IQCN: variants seen among roughly 807,000 people sequenced by gnomAD.
IQCN encodes IQ domain-containing protein N.
A neutral mutation model predicts 64.4 loss-of-function variants in IQCN; 46 were observed. The observed-to-expected ratio is 0.71, with a 90% CI of 0.56 to 0.91. The LOEUF is 0.91. IQCN is among the 40% of genes least tolerant of loss of function. The pLI is 0.00. For missense variants in IQCN, 1,753 were observed against 1,857.4 expected (o/e 0.94, Z 1.03); for synonymous variants, 733 against 775.6 (o/e 0.95, Z 0.91).
chr19:18,260,432 C>A (rs1226382019), intron 3 of IQCN: 1 of 152,582 alleles, frequency 6.6e-6, no homozygotes, highest in African/African-American at 2.4e-5. Flanking sequence ...TTGAATCCAG[C>A]CTAGAGCCCC....
At chr19:18,258,212 C>T (rs769543692) in intron 3 of IQCN, 106 bp from the exon 4 acceptor site, 1 of 1,248,768 alleles carries the variant, frequency 8.0e-7, no homozygotes, top group South Asian at 1.2e-5. Flanking sequence ...AAAGGGGTGG[C>T]AGGGAACCAC....
At chr19:18,273,904 T>A (rs540701492) in intron 1 of IQCN, among the ~76,000 whole-genome samples, 1 of 151,926 alleles carries the variant, frequency 6.6e-6, no homozygotes, top group African/African-American at 2.4e-5. Context: ...TAATTTTGAG[T>A]AAACCCCTCT....
Position 18,257,706 on chromosome 19 carries a change from T to A in IQCN, c.3578A>T (p.Glu1193Val), listed in dbSNP as rs1454723817. Residue 1193 changes from glutamate (E) to valine (V), a missense_variant, in exon 4 of 4, where the codon GAG (glutamate) becomes GTG (valine). By Grantham distance (121) the Glu-to-Val change is moderately radical. Transcript: ENST00000392413. ...WQMLHPVTWVELGSRAGVMSD... is the reference protein window; with the variant it reads ...WQMLHPVTWVVLGSRAGVMSD... ...CATGACCCCGGCCCGGCTGCCCAGCTCCACCCACGTGACGGGGTGGAGCAT... is the reference window on the plus strand; with the variant it reads ...CATGACCCCGGCCCGGCTGCCCAGCACCACCCACGTGACGGGGTGGAGCAT... 1 of 1,605,166 alleles carries A rather than the reference T, an allele frequency of 6.2e-7. No homozygotes were observed. Among genetic ancestry groups the A allele is most frequent in the South Asian group, 1.1e-5 (1 of 90,300 alleles).
rs774240458 is a variant in IQCN at position 18,267,330 on chromosome 19, G to C, written c.210C>G (p.Ala70=). The C allele has an allele frequency of 6.2e-7, 1 of 1,614,160 alleles. No homozygotes were observed. Among genetic ancestry groups the C allele is most frequent in the Non-Finnish European group, 8.5e-7 (1 of 1,180,012 alleles). The part of the protein sequence containing the change: ...KSKEHLPQQP[A]EGKTASRRVP... The stretch of plus-strand genomic sequence containing the variant: ...CGCGGCGGGACGCCGTCTTGCCTTC[G>C]GCAGGCTGTTGCGGAAGATGCTCCT... The change falls in exon 3 of 4, where the codon GCC becomes GCG. Residue 70 remains alanine, a synonymous_variant. Transcript: ENST00000392413.
In IQCN at chr19:18,266,464, A is replaced by C; in HGVS notation, c.1076T>G (p.Met359Arg). ...TLPQTYPAST[M>R]TTTPPKTSPV... Reference sequence around the variant, plus strand: ...GCTAGTCTTGGGTGGGGTGGTGGTCATCGTGGACGCTGGATATGTCTGTGG... The same window carrying C: ...GCTAGTCTTGGGTGGGGTGGTGGTCCTCGTGGACGCTGGATATGTCTGTGG... The change falls in exon 3 of 4, where the codon ATG (methionine) becomes AGG (arginine). Residue 359 changes from methionine (M) to arginine (R), a missense_variant. Coordinates refer to ENST00000392413, the MANE Select transcript of IQCN (RefSeq NM_001145304.2). This position sits in a 1 kb window ranked among gnomAD's most constrained non-coding sequence, Gnocchi z 4.3. 1 of 1,581,360 alleles carries C rather than the reference A, an allele frequency of 6.3e-7. No homozygotes were observed. Among genetic ancestry groups the C allele is most frequent in the Non-Finnish European group, 8.6e-7 (1 of 1,164,432 alleles).
Position 18,257,353 on chromosome 19 carries a change from A to G in IQCN, c.3931T>C (p.Trp1311Arg). 6.2e-7 allele frequency: 1 copy of G among 1,612,782 alleles called. No homozygotes were observed. ...DKAATAIQSAWRGFKIRQQMR... is the reference protein window; with the variant it reads ...DKAATAIQSARRGFKIRQQMR... The stretch of plus-strand genomic sequence containing the variant: ...TGCTGGCGGATCTTAAAGCCCCTCC[A>G]GGCGGACTGGATGGCTGTGGCCGCT... The change falls in exon 4 of 4, where the codon TGG becomes CGG. Residue 1311 changes from tryptophan (W) to arginine (R), a missense_variant. By Grantham distance (101) the Trp-to-Arg change is moderately radical. Transcript: ENST00000392413.
At chr19:18,259,984 C>G (rs376243244) in intron 3 of IQCN, 13 of 152,424 alleles carry the variant, frequency 8.5e-5, no homozygotes, top group Admixed American at 3.9e-4. Context: ...CCAGCTAGGC[C>G]AGGAGATGTG....
Position 18,265,912 on chromosome 19 carries a change from G to T in IQCN, c.1628C>A (p.Thr543Asn). The part of the protein sequence containing the change: ...QVAVAAGTPN[T>N]SGSIHENPPK... ...TGGGTTCTCATGGATGGAGCCTGAG[G>T]TGTTGGGAGTTCCGGCTGCTACCGC... is the stretch of plus-strand genomic sequence containing the variant. Residue 543 changes from threonine (T) to asparagine (N), a missense_variant, in exon 3 of 4, where the codon ACC (threonine) becomes AAC (asparagine). Transcript: ENST00000392413. The surrounding 1 kb of genome is among the most constrained non-coding windows in gnomAD (Gnocchi z 4.7). The T allele has an allele frequency of 1.2e-6, 2 of 1,614,234 alleles. No homozygotes were observed. Among genetic ancestry groups the T allele is most frequent in the South Asian group, 1.1e-5 (1 of 91,090 alleles).
In IQCN at chr19:18,257,390, A is replaced by T. The variant is rs1246328320; in HGVS notation, c.3894T>A (p.His1298Gln). ...TGGCTGTGGCCGCTTTGTCCTGGCG[A>T]TGCGGCTGCCTGGGACTCAGGGCAG... The part of the protein sequence containing the change: ...QLAALSPRQP[H>Q]RQDKAATAIQ... The change falls in exon 4 of 4, where the codon CAT (histidine) becomes CAA (glutamine). Residue 1298 changes from histidine to glutamine, a missense_variant. By Grantham distance (24) the His-to-Gln change is conservative. Coordinates refer to ENST00000392413, the MANE Select transcript of IQCN (RefSeq NM_001145304.2). The T allele has an allele frequency of 6.2e-7, 1 of 1,611,250 alleles. No individual in the cohort carries two copies.
chr19:18,267,484 C>A lies in IQCN; in HGVS notation c.56G>T (p.Arg19Leu). 6.5e-7 allele frequency: 1 copy of A among 1,529,188 alleles called. No individual in the cohort carries two copies. The highest frequency in any genetic ancestry group is 1.3e-5 in the South Asian group (1 of 75,902). The allele number at this position is 1,529,188 out of a possible 1,614,324, so 94.7% of individuals were successfully genotyped here. ...AACTGGCTCGTGAACTGTAGCTAGG[C>A]GGCCGGCTGCATTGCCTTGATTACC... ...LSGNQGNAAG[R>L]LATVHEPVVT... is the part of the protein sequence containing the mutation. The change falls in exon 3 of 4, where the codon CGC becomes CTC. Residue 19 changes from arginine (R) to leucine (L), a missense_variant. Physicochemically the swap from Arg to Leu is moderately radical, Grantham distance 102. Transcript: ENST00000392413.
chr19:18,262,823 G>C (rs1969460237), intron 3 of IQCN, among the ~76,000 whole-genome samples: 1 of 152,148 alleles, frequency 6.6e-6, no homozygotes, highest in African/African-American at 2.4e-5. Flanking sequence ...ACACAATTGG[G>C]GCCAAGCTCT....
intron 1 of IQCN, among the ~76,000 whole-genome samples, chr19:18,272,569 G>A (rs151331345): frequency 6.6e-6 from 1 of 151,898 alleles, no homozygotes; most frequent in East Asian, 1.9e-4. Flanking sequence ...TATCCCTAAT[G>A]CCTCACCAGC....
intron 3 of IQCN, chr19:18,258,720 T>TG (rs1363350863): frequency 3.1e-6 from 1 of 320,880 alleles, no homozygotes; most frequent in African/African-American, 2.2e-5. Context: ...ACGGGCCAGC[T>TG]GGGGTGATCC....
rs373849002 is a variant in IQCN at position 18,268,606 on chromosome 19, T to C, written c.13+860A>G. Among the ~76,000 whole-genome samples the C allele has an allele frequency of 1.3e-4, 20 of 152,118 alleles. No individual in the cohort carries two copies. The East Asian group carries it at 3.5e-3, about 27-fold the overall frequency. ...ACTTTGGGAGGCCAAGGTGGGCAGA[T>C]TGCTTGGGGTCAGGAGTTCGAGGCC... is the stretch of plus-strand genomic sequence containing the variant. On this transcript the variant is annotated intron_variant, in intron 2 of 3. Coordinates refer to ENST00000392413, the MANE Select transcript of IQCN (RefSeq NM_001145304.2).
intron 1 of IQCN, among the ~76,000 whole-genome samples, chr19:18,272,050 C>T (rs1969744270): frequency 6.6e-6 from 1 of 151,800 alleles, no homozygotes; most frequent in Admixed American, 6.6e-5. Context: ...TGGTCTCAAA[C>T]TCCTGATCTC....
intron 1 of IQCN, among the ~76,000 whole-genome samples, chr19:18,272,128 T>TAGGGGC (rs1396488143): frequency 4.0e-5 from 5 of 126,164 alleles, no homozygotes; most frequent in African/African-American, 1.1e-4. Context: ...CGCCTGGCCT[T>TAGGGGC]TTTTTTTTTC....
At position 18,265,256 on chromosome 19, in the gene IQCN, C is replaced by G; in HGVS notation, c.2284G>C (p.Ala762Pro). Residue 762 changes from alanine (A) to proline (P), a missense_variant, in exon 3 of 4, where the codon GCT (alanine) becomes CCT (proline). Physicochemically the swap from Ala to Pro is conservative, Grantham distance 27. Transcript: ENST00000392413. This position sits in a 1 kb window ranked among gnomAD's most constrained non-coding sequence, Gnocchi z 4.7. ...ITTCLIPAHQ[A>P]ADLSSNTHSQ... is the part of the protein sequence containing the mutation. The stretch of plus-strand genomic sequence containing the variant: ...TGGGTGTTGCTGCTGAGATCAGCAG[C>G]CTGGTGCGCTGGGATGAGGCACGTG... The G allele has an allele frequency of 8.7e-6, 14 of 1,613,696 alleles. No homozygotes were observed. Among genetic ancestry groups the G allele is most frequent in the Non-Finnish European group, 1.2e-5 (14 of 1,179,940 alleles).
In IQCN at chr19:18,264,687, G is replaced by A; in HGVS notation, c.2853C>T (p.Ser951=). 6.4e-7 allele frequency: 1 copy of A among 1,551,228 alleles called. No homozygotes were observed. Among genetic ancestry groups the A allele is most frequent in the East Asian group, 2.4e-5 (1 of 40,912 alleles). Residue 951 remains serine (S), a synonymous_variant, in exon 3 of 4, where the codon TCC becomes TCT. Transcript: ENST00000392413. This position sits in a 1 kb window ranked among gnomAD's most constrained non-coding sequence, Gnocchi z 4.3. ...LSWSELRLTL[S]RALSRGELRA... Reference sequence around the variant, plus strand: ...GCAGCTCGCCCCGGGACAGGGCTCGGGACAGGGTCAGGCGCAGCTCACTCC... The same window carrying A: ...GCAGCTCGCCCCGGGACAGGGCTCGAGACAGGGTCAGGCGCAGCTCACTCC...
intron 3 of IQCN, chr19:18,258,394 C>T: frequency 1.5e-6 from 1 of 658,510 alleles, no homozygotes; most frequent in Non-Finnish European, 2.8e-6. Context: ...TGTCTTTGCA[C>T]ATACTGTAAG....
Sources: gnomAD v4.1 joint callset for allele counts (sites outside exome capture counted in the v4.1 genomes callset) on GRCh38, gnomAD v4.1.1 for gene constraint, Gnocchi (gnomAD v3.1) non-coding constraint, MANE v1.5 for transcripts, NCBI Gene and HGNC (gene_info 2026-07-23, HGNC 2026-07-21) for gene names.